The following LIN28B variants were observed in gnomAD, a reference collection of about 807,000 sequenced individuals.
LIN28B encodes protein lin-28 homolog B.
In LIN28B, 5 loss-of-function variants were observed where a neutral mutation model predicts 21.9. The observed-to-expected ratio is 0.23, with a 90% confidence interval of 0.12 to 0.48. The LOEUF is 0.48. Among genes scored for constraint, LIN28B ranks in the 20% least tolerant of loss-of-function variants. The pLI, the probability that LIN28B is intolerant of heterozygous loss-of-function variation, is 0.98. For synonymous variants in LIN28B, 109 were observed against 111.3 expected, an observed-to-expected ratio of 0.98 and a Z score of 0.13; for missense variants, 245 against 310.5, an observed-to-expected ratio of 0.79 and a Z score of 1.58.
intron 3 of LIN28B, among the ~76,000 whole-genome samples, chr6:105,077,787 T>C (rs1772464179): frequency 6.6e-6 from 1 of 152,240 alleles, no homozygotes; most frequent in African/African-American, 2.4e-5. Context: ...TACTTGGTAA[T>C]TTGCCAGATA....
At chr6:104,944,402 T>C (rs1053821634) in intron 2 of LIN28B, among the ~76,000 whole-genome samples, 1 of 152,182 alleles carries the variant, frequency 6.6e-6, no homozygotes, top group Non-Finnish European at 1.5e-5. Context: ...AGTATGAACT[T>C]GATATTTGCA....
chr6:104,986,252 G>A (rs531320965), intron 2 of LIN28B, among the ~76,000 whole-genome samples: 67 of 152,170 alleles, frequency 4.4e-4, no homozygotes, highest in Admixed American at 9.2e-4. Flanking sequence ...TGTACAGCCC[G>A]AGGAACCATG....
intron 3 of LIN28B, among the ~76,000 whole-genome samples, chr6:105,076,187 A>G (rs558869089): frequency 6.6e-6 from 1 of 152,328 alleles, no homozygotes; most frequent in African/African-American, 2.4e-5. Context: ...TAAGATATGT[A>G]ATTATACAAT....
intron 2 of LIN28B, among the ~76,000 whole-genome samples, chr6:104,961,985 G>A (rs966514038): frequency 2.6e-5 from 4 of 152,096 alleles, no homozygotes; most frequent in African/African-American, 9.6e-5. Context: ...ACCTGTTGAT[G>A]TTTGTTATAT....
intron 3 of LIN28B, among the ~76,000 whole-genome samples, chr6:105,041,539 T>A (rs549184779): frequency 2.0e-5 from 3 of 152,284 alleles, no homozygotes; most frequent in African/African-American, 7.2e-5. Flanking sequence ...TTTTTGTTAT[T>A]TTCTAGATAA....
At chr6:104,967,657 A>T (rs1769891077) in intron 2 of LIN28B, among the ~76,000 whole-genome samples, 2 of 149,250 alleles carry the variant, frequency 1.3e-5, no homozygotes, top group African/African-American at 2.5e-5. Flanking sequence ...AAACATTTTT[A>T]AAATTTTTAT....
At chr6:104,970,140 C>T (rs1769944554) in intron 2 of LIN28B, among the ~76,000 whole-genome samples, 1 of 152,108 alleles carries the variant, frequency 6.6e-6, no homozygotes, top group Non-Finnish European at 1.5e-5. Flanking sequence ...TGAATTTTGT[C>T]CCTGAAGAAT....
At chr6:104,966,872 C>A (rs561645874) in intron 2 of LIN28B, among the ~76,000 whole-genome samples, 1 of 152,124 alleles carries the variant, frequency 6.6e-6, no homozygotes, top group African/African-American at 2.4e-5. Context: ...CCGCCCACTT[C>A]GGCCTCCCAA....
chr6:105,036,236 G>A (rs1257840908), intron 3 of LIN28B, among the ~76,000 whole-genome samples: 1 of 152,158 alleles, frequency 6.6e-6, no homozygotes, highest in Non-Finnish European at 1.5e-5. Flanking sequence ...ATCCTGGACA[G>A]CTGTGAATTT....
chr6:104,942,706 GTGCT>G (rs939483019), intron 2 of LIN28B, among the ~76,000 whole-genome samples: 2 of 152,056 alleles, frequency 1.3e-5, no homozygotes, highest in Admixed American at 6.6e-5. Flanking sequence ...GCAATCCAGT[GTGCT>G]TAATTTCCTA....
At chr6:104,956,238 C>G (rs1185703765), upstream of LIN28B, among the ~76,000 whole-genome samples, 3 of 152,068 alleles carry the variant, frequency 2.0e-5, no homozygotes, top group Non-Finnish European at 4.4e-5. Flanking sequence ...TGGCGATCCC[C>G]TCCCCCTCCT....
At chr6:104,977,860 C>A (rs116808352) in intron 2 of LIN28B, among the ~76,000 whole-genome samples, 3 of 152,024 alleles carry the variant, frequency 2.0e-5, no homozygotes, top group African/African-American at 7.2e-5. Flanking sequence ...GCCACCGCAC[C>A]CGACCAGGTG....
intron 3 of LIN28B, among the ~76,000 whole-genome samples, chr6:105,069,696 A>G (rs1339266195): frequency 6.6e-6 from 1 of 152,202 alleles, no homozygotes; most frequent in East Asian, 1.9e-4. Context: ...CTCAAAAAAA[A>G]AAAAAAGCTG....
chr6:104,984,912 A>C (rs1051036171), intron 2 of LIN28B, among the ~76,000 whole-genome samples: 2 of 152,200 alleles, frequency 1.3e-5, no homozygotes, highest in African/African-American at 4.8e-5. Context: ...TATAGATATG[A>C]CACACTGTTA....
At chr6:105,041,077 A>C (rs1404754674) in intron 3 of LIN28B, among the ~76,000 whole-genome samples, 5 of 140,772 alleles carry the variant, frequency 3.6e-5, no homozygotes, top group Non-Finnish European at 7.8e-5. Flanking sequence ...ACAACCAATA[A>C]TTTTTTTTTT....
intron 2 of LIN28B, chr6:104,939,201 C>T (rs1288870118): frequency 6.6e-6 from 1 of 152,226 alleles, no homozygotes; most frequent in Non-Finnish European, 1.5e-5. Flanking sequence ...TCAATGTCCA[C>T]ATCTTTTTCC....
intron 2 of LIN28B, among the ~76,000 whole-genome samples, chr6:105,002,755 C>T (rs1582889594): frequency 6.6e-6 from 1 of 152,250 alleles, no homozygotes; most frequent in East Asian, 1.9e-4. Context: ...TTTGTTTTTT[C>T]AAGTTGGACA....
chr6:105,018,078 C>A (rs1170969700), intron 2 of LIN28B, among the ~76,000 whole-genome samples: 1 of 152,032 alleles, frequency 6.6e-6, no homozygotes, highest in African/African-American at 2.4e-5. Context: ...TCAAGACCAG[C>A]CTAGTGAGAC....
chr6:104,942,246 G>T (rs1778104828), intron 2 of LIN28B, among the ~76,000 whole-genome samples: 1 of 152,172 alleles, frequency 6.6e-6, no homozygotes, highest in Admixed American at 6.5e-5. Flanking sequence ...GTATTAGAAT[G>T]AATTTAAAAC....
Sources: gnomAD v4.1 joint callset for allele counts (sites outside exome capture counted in the v4.1 genomes callset) on GRCh38, gnomAD v4.1.1 for gene constraint, MANE v1.5 for transcripts, NCBI Gene and HGNC (gene_info 2026-07-23, HGNC 2026-07-21) for gene names.